Variants in RNF220 observed in about 807,000 individuals in gnomAD.
RNF220 encodes ring finger protein 220, also known as E3 ubiquitin-protein ligase RNF220.
In RNF220, 7 loss-of-function variants were observed where a neutral mutation model predicts 67.1. The observed-to-expected ratio is 0.10, with a 90% CI of 0.06 to 0.20. The LOEUF is 0.20. Ranked by LOEUF, RNF220 falls within the 10% of genes least tolerant of loss-of-function variation. RNF220 has a pLI of 1.00. For missense variants in RNF220, 565 were observed against 740.3 expected, an observed-to-expected ratio of 0.76 and a Z score of 2.75; for synonymous variants, 270 against 283.2, an observed-to-expected ratio of 0.95 and a Z score of 0.47.
At chr1:44,549,519 C>T (rs1388131768) in intron 2 of RNF220, among the ~76,000 whole-genome samples, 1 of 152,166 alleles carries the variant, frequency 6.6e-6, no homozygotes, top group African/African-American at 2.4e-5. Flanking sequence ...GAGGTGTTCA[C>T]CAGCCAGCAG....
At chr1:44,525,562 C>T (rs1035474758) in intron 2 of RNF220, among the ~76,000 whole-genome samples, 1 of 152,236 alleles carries the variant, frequency 6.6e-6, no homozygotes, top group African/African-American at 2.4e-5. Flanking sequence ...CCACTGTCCA[C>T]ATGTGTTCCT....
rs964085627 is a variant in RNF220, at chr1:44,568,421, A to G, written c.626-45744A>G. Among the ~76,000 whole-genome samples, 4 of 152,200 alleles carry G rather than the reference A, an allele frequency of 2.6e-5. No homozygotes were observed. The East Asian group carries it at 5.8e-4, about 22-fold the overall frequency. The stretch of plus-strand genomic sequence containing the variant: ...CTGTGACCTTGAGCACCCTGAATTT[A>G]TCTTAATTCTTGTTGGATAAATTCA... On this transcript the variant is annotated intron_variant, in intron 2 of 14. Transcript: ENST00000361799.
rs1214048855 is a variant in RNF220 at position 44,650,741 on chromosome 1, C to T, written c.1667C>T (p.Thr556Ile). The T allele has an allele frequency of 6.2e-7, 1 of 1,613,228 alleles. No individual in the cohort carries two copies. The highest frequency in any genetic ancestry group is 8.5e-7 in the Non-Finnish European group (1 of 1,179,802). Residue 556 changes from threonine to isoleucine, a missense_variant, in exon 15 of 15, where the codon ACA becomes ATA. Physicochemically the swap from Thr to Ile is moderately conservative, Grantham distance 89. Coordinates refer to ENST00000361799, the MANE Select transcript of RNF220 (RefSeq NM_018150.4). The surrounding 1 kb of genome is among the most constrained non-coding windows in gnomAD (Gnocchi z 4.3). The stretch of plus-strand genomic sequence containing the variant: ...CTCTGCCCTCAGTGCAACACGATCA[C>T]AGCGCCCGGAGACCTGCGGAGGATC... Reference protein sequence around the residue: ...KKLCPQCNTITAPGDLRRIYL With the variant: ...KKLCPQCNTIIAPGDLRRIYL
chr1:44,573,801 A>AT (rs1246491300), intron 2 of RNF220, among the ~76,000 whole-genome samples: 1 of 152,114 alleles, frequency 6.6e-6, no homozygotes, highest in Non-Finnish European at 1.5e-5. Context: ...TCTTAGAGTT[A>AT]TTTTCCCTCT....
intron 2 of RNF220, among the ~76,000 whole-genome samples, chr1:44,480,602 G>A (rs2148020214): frequency 6.6e-6 from 1 of 152,136 alleles, no homozygotes; most frequent in South Asian, 2.1e-4. Context: ...AAAAAGGAGT[G>A]TTTTAAAAGA....
Position 44,650,387 on chromosome 1 carries a change from G to A in RNF220, c.1630-317G>A, listed in dbSNP as rs770121657. 6 of 449,422 alleles carry A rather than the reference G, an allele frequency of 1.3e-5. No individual in the cohort carries two copies. Among genetic ancestry groups the A allele is most frequent in the Non-Finnish European group, 2.0e-5 (5 of 247,710 alleles). The allele number at this position is 449,422 out of a possible 1,614,324, so 27.8% of individuals were successfully genotyped here. ...GCCCGGAGACAGTAATAAAAGGCTC[G>A]GACGTGGGCTCTGTGTCCTGATCAA... On this transcript the variant is annotated intron_variant, in intron 14 of 14. Transcript: ENST00000361799. This position sits in a 1 kb window ranked among gnomAD's most constrained non-coding sequence, Gnocchi z 4.3.
chr1:44,610,579 G>A (rs1273019081), intron 2 of RNF220, among the ~76,000 whole-genome samples: 1 of 152,202 alleles, frequency 6.6e-6, no homozygotes, highest in Non-Finnish European at 1.5e-5. Context: ...AAAAGGGTTT[G>A]GCCAGCTTTT....
Position 44,565,339 on chromosome 1 carries a change from G to C in RNF220, c.626-48826G>C, listed in dbSNP as rs576353540. On this transcript the variant is annotated intron_variant, in intron 2 of 14. Coordinates refer to ENST00000361799, the MANE Select transcript of RNF220 (RefSeq NM_018150.4). The surrounding 1 kb of genome is among the most constrained non-coding windows in gnomAD (Gnocchi z 4.2). Reference sequence around the variant, plus strand: ...GAGGCAGTGAGAGGTCAGAAAGGCAGAGTTTCCTGAGAGGTGAATTATCAG... The same window carrying C: ...GAGGCAGTGAGAGGTCAGAAAGGCACAGTTTCCTGAGAGGTGAATTATCAG... Among the ~76,000 whole-genome samples the C allele has an allele frequency of 2.0e-5, 3 of 152,204 alleles. No homozygotes were observed. Among genetic ancestry groups the C allele is most frequent in the Non-Finnish European group, 4.4e-5 (3 of 68,042 alleles).
chr1:44,476,996 C>A (rs1286587836), intron 2 of RNF220, among the ~76,000 whole-genome samples: 3 of 152,148 alleles, frequency 2.0e-5, no homozygotes, highest in African/African-American at 7.2e-5. Flanking sequence ...GTTAAGCTAC[C>A]AAGCAAGCAA....
At chr1:44,579,346 G>A (rs559163252) in intron 2 of RNF220, among the ~76,000 whole-genome samples, 1 of 152,282 alleles carries the variant, frequency 6.6e-6, no homozygotes, top group Non-Finnish European at 1.5e-5. Context: ...TCTGAGCAAA[G>A]AAAGGACAGG....
At chr1:44,636,471 TA>T (rs983686506) in intron 8 of RNF220, 2 of 717,372 alleles carry the variant, frequency 2.8e-6, no homozygotes, top group African/African-American at 3.5e-5. Context: ...CATAAAATAT[TA>T]AAGGGACGGT....
At chr1:44,426,422 A>G (rs1439378384) in intron 2 of RNF220, among the ~76,000 whole-genome samples, 1 of 152,206 alleles carries the variant, frequency 6.6e-6, no homozygotes, top group Non-Finnish European at 1.5e-5. Flanking sequence ...GGAAAGAGCA[A>G]GAATTTGAAA....
At chr1:44,501,009 C>T (rs571234618) in intron 2 of RNF220, among the ~76,000 whole-genome samples, 1 of 136,162 alleles carries the variant, frequency 7.3e-6, no homozygotes, top group African/African-American at 2.7e-5. Flanking sequence ...GCCAACTGAG[C>T]GGGACCCAGC....
At chr1:44,493,352 AAAAATACG>A (rs1557979008) in intron 2 of RNF220, among the ~76,000 whole-genome samples, 2 of 152,024 alleles carry the variant, frequency 1.3e-5, no homozygotes, top group African/African-American at 2.4e-5. Context: ...CGTCTCTACT[AAAAATACG>A]AAAATTAGCC....
chr1:44,568,940 G>C (rs1212291308), intron 2 of RNF220, among the ~76,000 whole-genome samples: 1 of 152,202 alleles, frequency 6.6e-6, no homozygotes, highest in Non-Finnish European at 1.5e-5. Context: ...GCTCAGCAAA[G>C]GAGCCTCGCT....
At chr1:44,570,430 G>A (rs889463183) in intron 2 of RNF220, among the ~76,000 whole-genome samples, 4 of 152,088 alleles carry the variant, frequency 2.6e-5, no homozygotes, top group African/African-American at 9.7e-5. Flanking sequence ...TCCATTTGGC[G>A]CTGAATGTCC....
At chr1:44,407,443 C>A (rs1177582021) in intron 1 of RNF220, among the ~76,000 whole-genome samples, 1 of 152,176 alleles carries the variant, frequency 6.6e-6, no homozygotes, top group African/African-American at 2.4e-5. Flanking sequence ...GCAGAAAGAG[C>A]GTCGAGGAAG....
chr1:44,563,080 G>A (rs1034676899), intron 2 of RNF220, among the ~76,000 whole-genome samples: 3 of 152,214 alleles, frequency 2.0e-5, no homozygotes, highest in Admixed American at 2.0e-4. Flanking sequence ...GAACCCAGAG[G>A]GGGATGCACT....
intron 2 of RNF220, among the ~76,000 whole-genome samples, chr1:44,513,642 A>G (rs1659216579): frequency 6.6e-6 from 1 of 152,248 alleles, no homozygotes. Context: ...CAGGGCCCAT[A>G]TCACAGCTCA....
Sources: gnomAD v4.1 joint callset for allele counts (sites outside exome capture counted in the v4.1 genomes callset) on GRCh38, gnomAD v4.1.1 for gene constraint, Gnocchi (gnomAD v3.1) non-coding constraint, MANE v1.5 for transcripts, NCBI Gene and HGNC (gene_info 2026-07-23, HGNC 2026-07-21) for gene names.